DOP1B: variants seen among roughly 807,000 people sequenced by gnomAD.
DOP1B encodes the protein DOP1 leucine zipper like protein B.
Under a neutral mutation model 233.5 loss-of-function variants are expected in DOP1B, and 174 were observed. The observed-to-expected ratio is 0.75, with a 90% CI of 0.66 to 0.85. The LOEUF (loss-of-function observed/expected upper bound fraction) is 0.85, where lower values mean the gene tolerates loss of function less well. Ranked by LOEUF, DOP1B falls within the 40% of genes least tolerant of loss-of-function variation. The pLI is 0.00. For missense variants in DOP1B, 2,652 were observed against 2,846.6 expected (o/e 0.93, Z 1.56); for synonymous variants, 1,190 against 1,185.6 (o/e 1.00, Z -0.08).
chr21:36,263,912 C>A, intron 26 of DOP1B, 98 bp downstream of exon 26: 1 of 1,207,646 alleles, frequency 8.3e-7, no homozygotes, highest in South Asian at 1.3e-5. Flanking sequence ...AGACATTGGA[C>A]AGAATCTGAG....
At chr21:36,193,368 G>C (rs1452039302) in intron 2 of DOP1B, among the ~76,000 whole-genome samples, 1 of 152,142 alleles carries the variant, frequency 6.6e-6, no homozygotes, top group African/African-American at 2.4e-5. Flanking sequence ...GGAATACCCC[G>C]GGGGGAATTT....
At chr21:36,292,467 C>T (rs13046971) in intron 36 of DOP1B, among the ~76,000 whole-genome samples, 4,923 of 152,036 alleles carry the variant, frequency 0.032, 108 homozygotes, top group Non-Finnish European at 0.046. Context: ...CTCTGTTGCC[C>T]AGGCTAGAGT....
At chr21:36,270,281 G>A (rs143181407) in intron 27 of DOP1B, 124 bp downstream of exon 27, 20 of 1,108,130 alleles carry the variant, frequency 1.8e-5, no homozygotes, top group East Asian at 9.8e-5. Flanking sequence ...GGCTGGGTGC[G>A]GTGGCTCACG....
At chr21:36,259,421 C>T (rs931444397) in intron 23 of DOP1B, among the ~76,000 whole-genome samples, 4 of 152,120 alleles carry the variant, frequency 2.6e-5, no homozygotes, top group African/African-American at 9.7e-5. Flanking sequence ...CAGGCTTGCG[C>T]CACCATGCCC....
Position 36,245,634 on chromosome 21 carries a change from G to C in DOP1B, c.3654G>C (p.Gln1218His). ...SRLLKQQRER[Q>H]EAVEALFKHI... ...TGCTAAAGCAGCAGCGGGAAAGGCA[G>C]GAGGCCGTCGAGGCCTTGTTCAAGC... The change falls in exon 19 of 37, where the codon CAG (glutamine) becomes CAC (histidine). Residue 1218 changes from glutamine to histidine, a missense_variant. Physicochemically the swap from Gln to His is conservative, Grantham distance 24. Coordinates refer to ENST00000691173, the MANE Select transcript of DOP1B (RefSeq NM_001320714.2). This position sits in a 1 kb window ranked among gnomAD's most constrained non-coding sequence, Gnocchi z 5.5. 6.2e-7 allele frequency: 1 copy of C among 1,613,476 alleles called. No homozygotes were observed. The highest frequency in any genetic ancestry group is 1.1e-5 in the South Asian group (1 of 91,082).
In DOP1B at chr21:36,278,572, G is replaced by A. The variant is rs550274686; in HGVS notation, c.5969+217G>A. The stretch of plus-strand genomic sequence containing the variant: ...AGAGGAATATCACTTAATTCAGAGA[G>A]CATGTTATTTCCTGGCTGGGCACGG... On this transcript the variant is annotated intron_variant, in intron 30 of 36. Transcript: ENST00000691173. Among the ~76,000 whole-genome samples, 16 of 152,174 alleles carry A rather than the reference G, an allele frequency of 1.1e-4. No individual in the cohort carries two copies. The South Asian group carries it at 3.1e-3, about 30-fold the overall frequency.
intron 24 of DOP1B, chr21:36,261,714 C>T: frequency 1.1e-6 from 1 of 915,266 alleles, no homozygotes; most frequent in South Asian, 5.0e-5. Flanking sequence ...TTGAGACCAG[C>T]CTGGCCAACG....
intron 1 of DOP1B, among the ~76,000 whole-genome samples, chr21:36,162,610 AC>A (rs2065878739): frequency 2.0e-5 from 3 of 151,702 alleles, no homozygotes; most frequent in Admixed American, 2.0e-4. Flanking sequence ...GCGCAGTCTC[AC>A]CTCACTGCAA....
chr21:36,289,463 G>A (rs1383390439), intron 35 of DOP1B, among the ~76,000 whole-genome samples: 1 of 103,336 alleles, frequency 9.7e-6, no homozygotes, highest in African/African-American at 4.2e-5. Context: ...GTGTGTGTGT[G>A]TGTGTGTGTG....
chr21:36,281,989 G>T (rs1297994898), intron 32 of DOP1B, among the ~76,000 whole-genome samples: 2 of 152,166 alleles, frequency 1.3e-5, no homozygotes, highest in East Asian at 3.8e-4. Context: ...CACACAGATA[G>T]ACCCATGAGG....
intron 2 of DOP1B, among the ~76,000 whole-genome samples, chr21:36,186,622 C>T (rs891770899): frequency 7.6e-4 from 116 of 152,232 alleles, no homozygotes; most frequent in African/African-American, 2.7e-3. Flanking sequence ...TGGTCACCTA[C>T]AGCACTTCCT....
At position 36,289,224 on chromosome 21, in the gene DOP1B, G is replaced by C. The variant is rs371091443; in HGVS notation, c.6515+18G>C. 4.4e-6 allele frequency: 7 copies of C among 1,602,824 alleles called. No homozygotes were observed. Among genetic ancestry groups the C allele is most frequent in the Non-Finnish European group, 5.9e-6 (7 of 1,177,276 alleles). ...TTTCAAATGTAAGTCAGATAGGATCGTGTGTCCTTTTTGAAGTAAGAGATT... is the reference window on the plus strand; with the variant it reads ...TTTCAAATGTAAGTCAGATAGGATCCTGTGTCCTTTTTGAAGTAAGAGATT... On this transcript the variant is annotated intron_variant, in intron 35 of 36. Transcript: ENST00000691173.
rs1450937437 is a variant in DOP1B, at chr21:36,199,243, T to C, written c.312T>C (p.Phe104=). The C allele has an allele frequency of 1.2e-6, 2 of 1,613,806 alleles. No individual in the cohort carries two copies. Among genetic ancestry groups the C allele is most frequent in the East Asian group, 2.2e-5 (1 of 44,874 alleles). The part of the protein sequence containing the change: ...VGTKWLAKDL[F]LYSCGLFPLL... ...CCAAATGGCTGGCCAAGGACTTGTT[T>C]CTGTACAGGTGCGATTGCTTCTCTG... Residue 104 remains phenylalanine, a synonymous_variant, in exon 3 of 37, where the codon TTT becomes TTC. Coordinates refer to ENST00000691173, the MANE Select transcript of DOP1B (RefSeq NM_001320714.2).
Position 36,248,391 on chromosome 21 carries a change from A to G in DOP1B, c.4821A>G (p.Ala1607=), listed in dbSNP as rs1402612367. Residue 1607 remains alanine, a synonymous_variant, in exon 21 of 37, where the codon GCA becomes GCG. Coordinates refer to ENST00000691173, the MANE Select transcript of DOP1B (RefSeq NM_001320714.2). ...ATTTTAATTTTTAGACCATGGCTGC[A>G]GGTGATCCTGCCAACTTGAGGAATG... ...QANQNKKTMA[A]GDPANLRNAR... 7.4e-6 allele frequency: 12 copies of G among 1,613,538 alleles called. No homozygotes were observed. The highest frequency in any genetic ancestry group is 1.0e-5 in the Non-Finnish European group (12 of 1,179,832).
At chr21:36,168,814 T>C (rs2123400283) in intron 2 of DOP1B, among the ~76,000 whole-genome samples, 1 of 152,254 alleles carries the variant, frequency 6.6e-6, no homozygotes, top group South Asian at 2.1e-4. Context: ...ATTACAGGTT[T>C]GAGCCACTGT....
In DOP1B at chr21:36,227,941, T is replaced by TA. The variant is rs1254699539; in HGVS notation, c.1665+65dup. 4.9e-6 allele frequency: 7 copies of TA among 1,429,872 alleles called. No individual in the cohort carries two copies. In the African/African-American group the frequency reaches 7.1e-5, roughly 15 times the overall value. 88.6% of individuals were successfully genotyped at this position (1,429,872 alleles called of 1,614,324 possible). ...AAAGCAGCTTATGCCTTCCTGGGAGTAGAAAGTCTTTAGGGTTGGTTAGGA... is the reference window on the plus strand; with the variant it reads ...AAAGCAGCTTATGCCTTCCTGGGAGTAAGAAAGTCTTTAGGGTTGGTTAGGA... On this transcript the variant is annotated intron_variant, in intron 13 of 36. Transcript: ENST00000691173.
intron 2 of DOP1B, among the ~76,000 whole-genome samples, chr21:36,177,175 G>A (rs1209218292): frequency 6.6e-6 from 1 of 152,094 alleles, no homozygotes. Context: ...TCTGTTGTGG[G>A]TGCCATGCTG....
intron 35 of DOP1B, among the ~76,000 whole-genome samples, chr21:36,290,135 G>C (rs562576940): frequency 6.6e-6 from 1 of 152,312 alleles, no homozygotes; most frequent in South Asian, 2.1e-4. Flanking sequence ...CGGCAGGCTT[G>C]TATGTATGTA....
intron 23 of DOP1B, among the ~76,000 whole-genome samples, chr21:36,258,019 A>G (rs1303702936): frequency 2.0e-5 from 3 of 151,806 alleles, no homozygotes; most frequent in African/African-American, 4.8e-5. Context: ...AGATAGGTAG[A>G]GAGATAGATG....
Sources: gnomAD v4.1 joint callset for allele counts (sites outside exome capture counted in the v4.1 genomes callset) on GRCh38, gnomAD v4.1.1 for gene constraint, Gnocchi (gnomAD v3.1) non-coding constraint, MANE v1.5 for transcripts, NCBI Gene and HGNC (gene_info 2026-07-23, HGNC 2026-07-21) for gene names.